Variants in APTX observed in about 807,000 individuals in gnomAD.
APTX encodes forkhead-associated domain histidine triad-like protein.
APTX carries 33 observed loss-of-function variants against 42.3 expected under a neutral mutation model. That is an observed-to-expected ratio of 0.78 (90% confidence interval 0.59 to 1.04). APTX has a LOEUF of 1.04. APTX is among the 50% of genes least tolerant of loss of function. The probability of loss-of-function intolerance (pLI) is 0.00; values close to 1 mark genes in which losing one functional copy is unlikely to be tolerated. For missense variants in APTX, 421 were observed against 415.1 expected (o/e 1.01, Z -0.12); for synonymous variants, 130 against 146.7 (o/e 0.89, Z 0.82).
chr9:33,023,888 T>C (rs16918951), intron 1 of APTX, among the ~76,000 whole-genome samples: 5,903 of 152,302 alleles, frequency 0.039, 339 homozygotes, highest in African/African-American at 0.13. Context: ...CCTCCGGCTA[T>C]TCTAGCTCCC....
chr9:32,984,484 G>C, intron 6 of APTX, 147 bp downstream of exon 6: 8 of 754,974 alleles, frequency 1.1e-5, no homozygotes, highest in Non-Finnish European at 1.8e-5. Context: ...AGGCAGAGAG[G>C]TGGAAGCTTC....
rs746942187 is a variant in APTX at position 32,986,043 on chromosome 9, CAAAAAAAAAAACAAA to C, written c.484-28_484-14del. ...GGCCCAGGGATTCCTAAAAAAAAAA[CAAAAAAAAAAACAAA>C]AAAAAAAAAAAACAAGCAATGTAAA... On this transcript the variant is annotated splice_polypyrimidine_tract_variant and intron_variant, in intron 4 of 7. Transcript: ENST00000379817. The C allele has an allele frequency of 2.6e-4, 261 of 986,594 alleles. 3 individuals carry two copies. Among genetic ancestry groups the C allele is most frequent in the South Asian group, 6.6e-4 (40 of 60,658 alleles). 61.1% of individuals were successfully genotyped at this position (986,594 alleles called of 1,614,324 possible). A position where few individuals can be genotyped will look rare whatever the true frequency, so the allele number is the denominator to read the frequency against.
chr9:33,001,465 C>G, intron 1 of APTX, 102 bp downstream of exon 1: 1 of 1,591,186 alleles, frequency 6.3e-7, no homozygotes, highest in Admixed American at 1.7e-5. Context: ...AAAGCAGCGT[C>G]ATTCAAGGCA....
intron 6 of APTX, among the ~76,000 whole-genome samples, chr9:32,982,010 G>A (rs1238955433): frequency 2.0e-5 from 3 of 148,986 alleles, no homozygotes; most frequent in Admixed American, 2.0e-4. Context: ...AAAAAAAACA[G>A]TAATTTTGAA....
At chr9:33,002,851 A>C (rs1836786965), upstream of APTX, among the ~76,000 whole-genome samples, 3 of 152,236 alleles carry the variant, frequency 2.0e-5, no homozygotes, top group South Asian at 6.2e-4. Context: ...GCAGAGACTT[A>C]ATGGTATGAT....
At chr9:33,001,300 T>G in intron 1 of APTX, 1 of 1,495,586 alleles carries the variant, frequency 6.7e-7, no homozygotes, top group Non-Finnish European at 8.9e-7. Flanking sequence ...TCTCTAATAT[T>G]TTTTCGGCTT....
chr9:32,983,174 G>C (rs1831104431), intron 6 of APTX, among the ~76,000 whole-genome samples: 1 of 151,238 alleles, frequency 6.6e-6, no homozygotes, highest in Non-Finnish European at 1.5e-5. Flanking sequence ...TTTACTCAAG[G>C]GGAAAAAAAT....
intron 5 of APTX, among the ~76,000 whole-genome samples, 178 bp from the exon 6 acceptor site, chr9:32,985,035 T>C (rs918380080): frequency 7.2e-5 from 11 of 152,230 alleles, no homozygotes; most frequent in African/African-American, 9.6e-5. Flanking sequence ...GCACAAGTCA[T>C]AGTTCCTAAG....
intron 1 of APTX, among the ~76,000 whole-genome samples, chr9:33,000,643 A>AAAAAAG (rs995476445): frequency 1.4e-5 from 2 of 146,374 alleles, no homozygotes; most frequent in East Asian, 2.0e-4. Flanking sequence ...AAAAAAAAAA[A>AAAAAAG]AAAAGAAAAG....
intron 1 of APTX, among the ~76,000 whole-genome samples, chr9:33,024,644 G>T (rs1386550984): frequency 1.3e-5 from 2 of 152,142 alleles, no homozygotes; most frequent in Admixed American, 6.5e-5. Flanking sequence ...CAATCTGCAC[G>T]AATCAGCGAG....
chr9:32,993,738 T>G (rs955277006), intron 1 of APTX, among the ~76,000 whole-genome samples: 21 of 147,438 alleles, frequency 1.4e-4, no homozygotes, highest in African/African-American at 4.7e-4. Context: ...TTTTTTTTTT[T>G]GAGACAGAGT....
intron 1 of APTX, among the ~76,000 whole-genome samples, chr9:33,009,719 C>G (rs1308715403): frequency 2.0e-5 from 3 of 151,976 alleles, no homozygotes; most frequent in Non-Finnish European, 2.9e-5. Flanking sequence ...TCCAAGGCTG[C>G]AGTAAACCAT....
upstream of APTX, among the ~76,000 whole-genome samples, chr9:33,002,419 C>A (rs888387649): frequency 2.0e-5 from 3 of 152,124 alleles, no homozygotes; most frequent in Non-Finnish European, 4.4e-5. Context: ...GAACCACCAC[C>A]ACCACCCCGC....
At chr9:33,001,678 C>G (rs1836588703), upstream of APTX, 3 of 1,581,562 alleles carry the variant, frequency 1.9e-6, no homozygotes, top group African/African-American at 2.7e-5. Context: ...ACGTCACCAG[C>G]ACCTCTCTAA....
chr9:33,024,273 A>T (rs1235189734), intron 1 of APTX, among the ~76,000 whole-genome samples: 1 of 152,220 alleles, frequency 6.6e-6, no homozygotes, highest in Non-Finnish European at 1.5e-5. Context: ...CTGGCGTCCC[A>T]AAGTGCTGGG....
chr9:33,008,966 T>A (rs1195449766), intron 1 of APTX, among the ~76,000 whole-genome samples: 2 of 152,228 alleles, frequency 1.3e-5, no homozygotes, highest in Admixed American at 1.3e-4. Flanking sequence ...GAGGTATTCA[T>A]AAAAACTACA....
intron 1 of APTX, among the ~76,000 whole-genome samples, chr9:33,001,035 C>T (rs923640498): frequency 1.3e-5 from 2 of 151,810 alleles, no homozygotes; most frequent in Non-Finnish European, 2.9e-5. Context: ...TTAGTAGAGA[C>T]GGGGTTTCTC....
At chr9:32,991,282 C>G (rs931916350) in intron 1 of APTX, among the ~76,000 whole-genome samples, 1 of 152,130 alleles carries the variant, frequency 6.6e-6, no homozygotes, top group African/African-American at 2.4e-5. Context: ...ACGCAACGCG[C>G]AAAACAATGG....
chr9:32,973,779 C>T lies in APTX; in HGVS notation c.875-127G>A, dbSNP rs34683066. On this transcript the variant is annotated intron_variant, in intron 7 of 7. Transcript: ENST00000379817. ...TGCCAGGCCAGGTATTCTACAGCTCCGTAAGCTTAGTTTAGACTTCCCTCA... is the reference window on the plus strand; with the variant it reads ...TGCCAGGCCAGGTATTCTACAGCTCTGTAAGCTTAGTTTAGACTTCCCTCA... 257,589 of 1,271,562 alleles carry T rather than the reference C, an allele frequency of 0.2. 28,787 individuals carry two copies. The highest frequency in any genetic ancestry group is 0.26 in the Middle Eastern group (1,274 of 4,936). 78.8% of individuals were successfully genotyped at this position (1,271,562 alleles called of 1,614,324 possible).
Sources: gnomAD v4.1 joint callset for allele counts (sites outside exome capture counted in the v4.1 genomes callset) on GRCh38, gnomAD v4.1.1 for gene constraint, MANE v1.5 for transcripts, NCBI Gene and HGNC (gene_info 2026-07-23, HGNC 2026-07-21) for gene names.